The following PAX3 variants were observed in gnomAD, a reference collection of about 807,000 sequenced individuals.
PAX3 encodes the protein paired box protein Pax-3.
In PAX3, 14 loss-of-function variants were observed where a neutral mutation model predicts 51.6. That is an observed-to-expected ratio of 0.27 (90% CI 0.18 to 0.42). The LOEUF is 0.42. PAX3 is among the 10% of genes least tolerant of loss of function. PAX3 has a pLI of 1.00. For synonymous variants in PAX3, 280 were observed against 253.4 expected (o/e 1.11, Z -1.00); for missense variants, 540 against 642.8 (o/e 0.84, Z 1.73).
At chr2:222,241,346 T>C (rs1559279224) in intron 4 of PAX3, among the ~76,000 whole-genome samples, 3 of 152,148 alleles carry the variant, frequency 2.0e-5, no homozygotes, top group African/African-American at 7.2e-5. Context: ...AACTGGGTAA[T>C]TGAGCTGCTG....
chr2:222,206,544 T>A (rs887718444), intron 7 of PAX3, among the ~76,000 whole-genome samples: 4 of 152,288 alleles, frequency 2.6e-5, no homozygotes, highest in Non-Finnish European at 5.9e-5. Context: ...CTCCTCCATC[T>A]TTTGCATTAT....
At chr2:222,229,482 C>G (rs1692505280) in intron 5 of PAX3, among the ~76,000 whole-genome samples, 1 of 152,008 alleles carries the variant, frequency 6.6e-6, no homozygotes, top group Non-Finnish European at 1.5e-5. Flanking sequence ...TTTCACTCAC[C>G]TTCCTCCCCA....
intron 4 of PAX3, among the ~76,000 whole-genome samples, chr2:222,257,765 C>T (rs1167819959): frequency 6.6e-6 from 1 of 152,204 alleles, no homozygotes; most frequent in Non-Finnish European, 1.5e-5. Context: ...AAGTTGGGGC[C>T]TCCTGAGGCT....
At chr2:222,283,087 G>C (rs1694702361) in intron 4 of PAX3, among the ~76,000 whole-genome samples, 1 of 152,208 alleles carries the variant, frequency 6.6e-6, no homozygotes, top group African/African-American at 2.4e-5. Context: ...GTCCTTACCA[G>C]GGAGGAATTA....
chr2:222,257,646 A>C (rs16863580), intron 4 of PAX3, among the ~76,000 whole-genome samples: 2 of 152,192 alleles, frequency 1.3e-5, no homozygotes, highest in African/African-American at 4.8e-5. Flanking sequence ...TGCATGTACC[A>C]GTCACTGTAT....
At chr2:222,230,854 C>CAAAA (rs5838938) in intron 5 of PAX3, among the ~76,000 whole-genome samples, 1 of 108,696 alleles carries the variant, frequency 9.2e-6, no homozygotes, top group Non-Finnish European at 1.7e-5. Context: ...GACTCCACCT[C>CAAAA]AAAAAAAAAA....
Position 222,298,890 on chromosome 2 carries a change from G to A in PAX3, c.-275C>T. ...GGTACGAGTCTGGGCAAATGTTCCA[G>A]CGACTGGGGTCCCTGAAAAGGGGGC... On this transcript the variant is annotated 5_prime_UTR_variant, in exon 1 of 9. Transcript: ENST00000392070. 1.8e-6 allele frequency: 1 copy of A among 550,284 alleles called. No homozygotes were observed. Among genetic ancestry groups the A allele is most frequent in the Admixed American group, 3.2e-5 (1 of 31,522 alleles). The allele number at this position is 550,284 out of a possible 1,614,324, so 34.1% of individuals were successfully genotyped here.
chr2:222,241,449 G>A (rs954106261), intron 4 of PAX3, among the ~76,000 whole-genome samples: 2 of 152,134 alleles, frequency 1.3e-5, no homozygotes, highest in Non-Finnish European at 2.9e-5. Context: ...CGGAGCTGCC[G>A]CTAAGTAACT....
At chr2:222,277,300 A>G (rs1694454904) in intron 4 of PAX3, among the ~76,000 whole-genome samples, 1 of 152,202 alleles carries the variant, frequency 6.6e-6, no homozygotes, top group African/African-American at 2.4e-5. Flanking sequence ...AAATCTCCAG[A>G]GACTCCTAGA....
rs45522331 is a variant in PAX3, at chr2:222,221,301, C to G, written c.879G>C (p.Gly293=). ...AGGTCGGCATGGCAGTGGGAGGGAA[C>G]CCCCCGGGAATGAGATGGTTGAAAG... The part of the protein sequence containing the change: ...LMAFNHLIPG[G]FPPTAMPTLP... The change falls in exon 6 of 9, where the codon GGG becomes GGC. Residue 293 remains glycine, a synonymous_variant. Coordinates refer to ENST00000392070, the MANE Select transcript of PAX3 (RefSeq NM_181458.4). 6.2e-7 allele frequency: 1 copy of G among 1,613,790 alleles called. No individual in the cohort carries two copies. The highest frequency in any genetic ancestry group is 1.7e-5 in the Admixed American group (1 of 60,016).
At chr2:222,268,179 T>C (rs1694118192) in intron 4 of PAX3, among the ~76,000 whole-genome samples, 1 of 152,204 alleles carries the variant, frequency 6.6e-6, no homozygotes, top group South Asian at 2.1e-4. Flanking sequence ...CCTGGGGGCC[T>C]CTTTAAAGGC....
intron 4 of PAX3, among the ~76,000 whole-genome samples, chr2:222,290,660 C>G (rs1694996761): frequency 6.6e-6 from 1 of 152,184 alleles, no homozygotes; most frequent in Non-Finnish European, 1.5e-5. Flanking sequence ...AAGCGAGAGT[C>G]TTGCAGTCGC....
intron 4 of PAX3, among the ~76,000 whole-genome samples, chr2:222,248,543 G>A (rs780457999): frequency 7.2e-5 from 11 of 152,134 alleles, no homozygotes; most frequent in Admixed American, 1.3e-4. Context: ...ACTACAACTT[G>A]CAGGTCAACT....
At chr2:222,241,032 C>T (rs1355142016) in intron 4 of PAX3, among the ~76,000 whole-genome samples, 4 of 152,074 alleles carry the variant, frequency 2.6e-5, no homozygotes, top group Non-Finnish European at 5.9e-5. Context: ...CAACTTTCTC[C>T]CCACCTAAGA....
chr2:222,297,363 C>G, intron 1 of PAX3, 150 bp from the exon 2 acceptor site: 2 of 701,230 alleles, frequency 2.9e-6, no homozygotes, highest in East Asian at 5.4e-5. Context: ...CTCCCAGACC[C>G]AGACCTCCTT....
chr2:222,297,365 G>T, intron 1 of PAX3, 152 bp from the exon 2 acceptor site: 1 of 699,772 alleles, frequency 1.4e-6, no homozygotes, highest in Non-Finnish European at 2.6e-6. Flanking sequence ...CCCAGACCCA[G>T]ACCTCCTTTC....
chr2:222,230,719 G>T (rs1051729383), intron 5 of PAX3, among the ~76,000 whole-genome samples: 1 of 151,902 alleles, frequency 6.6e-6, no homozygotes, highest in African/African-American at 2.4e-5. Context: ...GCCGGGCCTG[G>T]TGGCAAGCAC....
chr2:222,206,135 C>G (rs1184535340), intron 7 of PAX3, among the ~76,000 whole-genome samples: 1 of 139,414 alleles, frequency 7.2e-6, no homozygotes, highest in Non-Finnish European at 1.6e-5. Context: ...GCATTTTGTA[C>G]CAATTTTTTT....
At chr2:222,220,418 A>C in intron 6 of PAX3, 64 bp from the exon 7 acceptor site, 1 of 1,507,090 alleles carries the variant, frequency 6.6e-7, no homozygotes, top group Non-Finnish European at 9.2e-7. Flanking sequence ...AGTTCAGTGC[A>C]AAAGTTCATC....
Sources: allele counts gnomAD v4.1 joint callset (sites outside exome capture counted in the v4.1 genomes callset), GRCh38; gene constraint gnomAD v4.1.1; transcripts MANE v1.5; gene names NCBI Gene and HGNC (gene_info 2026-07-23, HGNC 2026-07-21).